The following AUTS2 variants were observed in gnomAD, a reference collection of about 807,000 sequenced individuals.
AUTS2 encodes the protein activator of transcription and developmental regulator AUTS2, also known as autism susceptibility gene 2 protein.
Under a neutral mutation model 112.4 loss-of-function variants are expected in AUTS2, and 17 were observed. That is an observed-to-expected ratio of 0.15 (90% CI 0.10 to 0.23). The LOEUF (loss-of-function observed/expected upper bound fraction) is 0.23. Ranked by LOEUF, AUTS2 falls within the 10% of genes least tolerant of loss-of-function variation. The pLI is 1.00. For synonymous variants in AUTS2, 751 were observed against 702.7 expected (o/e 1.07, Z -1.09); for missense variants, 1,510 against 1,701.6 (o/e 0.89, Z 1.98).
At chr7:70,156,023 C>G (rs867207620) in intron 4 of AUTS2, among the ~76,000 whole-genome samples, 1 of 152,136 alleles carries the variant, frequency 6.6e-6, no homozygotes, top group African/African-American at 2.4e-5. Flanking sequence ...TCTGCTGACA[C>G]GTGGGTAGTG....
intron 4 of AUTS2, among the ~76,000 whole-genome samples, chr7:70,170,278 G>A (rs67847242): frequency 0.22 from 32,767 of 149,578 alleles, 3,551 homozygotes; most frequent in Middle Eastern, 0.33. Flanking sequence ...TCCCACCTCA[G>A]CCTCCCAAGT....
intron 5 of AUTS2, among the ~76,000 whole-genome samples, chr7:70,671,640 TG>T (rs1330103671): frequency 6.6e-6 from 1 of 151,622 alleles, no homozygotes; most frequent in Non-Finnish European, 1.5e-5. Flanking sequence ...CCTATCAGCC[TG>T]GGCATGGCAA....
At chr7:70,240,026 T>C (rs1812528372) in intron 4 of AUTS2, among the ~76,000 whole-genome samples, 1 of 152,168 alleles carries the variant, frequency 6.6e-6, no homozygotes, top group African/African-American at 2.4e-5. Context: ...GAGATGTGAG[T>C]GCAGAATAAG....
At chr7:70,647,815 G>A (rs1407129612) in intron 5 of AUTS2, among the ~76,000 whole-genome samples, 1 of 152,200 alleles carries the variant, frequency 6.6e-6, no homozygotes, top group Non-Finnish European at 1.5e-5. Context: ...GCACATTTTG[G>A]AATGAAACAG....
intron 2 of AUTS2, among the ~76,000 whole-genome samples, chr7:70,049,702 C>T (rs1011132706): frequency 1.4e-4 from 21 of 152,088 alleles, no homozygotes; most frequent in African/African-American, 5.1e-4. Context: ...TTGTCTGGAA[C>T]TTAAAAATAT....
At chr7:69,888,071 G>A (rs1233315048) in intron 1 of AUTS2, among the ~76,000 whole-genome samples, 1 of 152,150 alleles carries the variant, frequency 6.6e-6, no homozygotes, top group African/African-American at 2.4e-5. Flanking sequence ...AACACTTGGG[G>A]AGGCCAAGGC....
chr7:70,602,331 T>C (rs749600026), intron 5 of AUTS2, among the ~76,000 whole-genome samples: 7 of 152,180 alleles, frequency 4.6e-5, no homozygotes, highest in Non-Finnish European at 8.8e-5. Context: ...ATGTCACCGG[T>C]TGGACTGTAG....
chr7:70,364,390 C>T (rs1792459373), intron 4 of AUTS2, among the ~76,000 whole-genome samples: 1 of 151,754 alleles, frequency 6.6e-6, no homozygotes, highest in Non-Finnish European at 1.5e-5. Flanking sequence ...TGGTGAAACC[C>T]AGTCTCTACT....
chr7:70,274,704 C>A (rs12698887), intron 4 of AUTS2, among the ~76,000 whole-genome samples: 1 of 151,892 alleles, frequency 6.6e-6, no homozygotes, highest in South Asian at 2.1e-4. Flanking sequence ...GTTTTATAAT[C>A]GGAATGGTAG....
intron 4 of AUTS2, among the ~76,000 whole-genome samples, chr7:70,419,725 T>G (rs1795136286): frequency 6.6e-6 from 1 of 152,212 alleles, no homozygotes. Flanking sequence ...GAAATTGACA[T>G]TCCTCCAGAA....
At chr7:70,651,018 G>C (rs1212589177) in intron 5 of AUTS2, among the ~76,000 whole-genome samples, 1 of 152,190 alleles carries the variant, frequency 6.6e-6, no homozygotes, top group Non-Finnish European at 1.5e-5. Flanking sequence ...AATGTTGATA[G>C]TAATGATCAA....
intron 6 of AUTS2, among the ~76,000 whole-genome samples, chr7:70,730,264 G>C (rs1477786657): frequency 6.6e-6 from 1 of 151,850 alleles, no homozygotes; most frequent in African/African-American, 2.4e-5. Flanking sequence ...TTTTTAGTTA[G>C]ACTTCACAGA....
At chr7:70,720,042 C>T (rs555010534) in intron 6 of AUTS2, among the ~76,000 whole-genome samples, 4 of 152,290 alleles carry the variant, frequency 2.6e-5, no homozygotes, top group Non-Finnish European at 4.4e-5. Context: ...TCTAGCCTGA[C>T]GTCTCATTCG....
At chr7:69,872,417 A>AT (rs756984183) in intron 1 of AUTS2, among the ~76,000 whole-genome samples, 3 of 152,206 alleles carry the variant, frequency 2.0e-5, no homozygotes, top group Non-Finnish European at 4.4e-5. Flanking sequence ...TGTCCTTAAT[A>AT]TATCAGTGTC....
At chr7:70,448,598 G>C (rs965063104) in intron 5 of AUTS2, among the ~76,000 whole-genome samples, 1 of 152,160 alleles carries the variant, frequency 6.6e-6, no homozygotes, top group Non-Finnish European at 1.5e-5. Context: ...TCCAGTCATG[G>C]AACAGTAATT....
Position 69,666,631 on chromosome 7 carries a change from G to T in AUTS2, c.309+66669G>T, listed in dbSNP as rs201087657. 6.1e-3 allele frequency among the ~76,000 whole-genome samples: 933 copies of T among 152,280 alleles called. 8 individuals are homozygous for T. The highest frequency in any genetic ancestry group is 0.016 in the East Asian group (85 of 5,186). On this transcript the variant is annotated intron_variant, in intron 1 of 18. Coordinates refer to ENST00000342771, the MANE Select transcript of AUTS2 (RefSeq NM_015570.4). ...GTTCCTGTCCTGTAAAGTCTAATGG[G>T]TGGCTCACACCTGTAATCCCAACAC...
chr7:70,212,203 T>G (rs1379988263), intron 4 of AUTS2, among the ~76,000 whole-genome samples: 2 of 152,180 alleles, frequency 1.3e-5, no homozygotes, highest in Admixed American at 1.3e-4. Context: ...GGGAATAAAT[T>G]GATGCCAAAT....
intron 5 of AUTS2, among the ~76,000 whole-genome samples, chr7:70,651,975 G>A (rs986418569): frequency 6.6e-6 from 1 of 152,174 alleles, no homozygotes; most frequent in African/African-American, 2.4e-5. Flanking sequence ...GTTTCTATGT[G>A]TCTGTAAGCA....
chr7:70,636,409 A>G (rs894696004), intron 5 of AUTS2, among the ~76,000 whole-genome samples: 3 of 152,150 alleles, frequency 2.0e-5, no homozygotes, highest in East Asian at 1.9e-4. Flanking sequence ...ATTGACCACT[A>G]TTAAGACAGA....
Sources: allele counts gnomAD v4.1 joint callset (sites outside exome capture counted in the v4.1 genomes callset), GRCh38; gene constraint gnomAD v4.1.1; transcripts MANE v1.5; gene names NCBI Gene and HGNC (gene_info 2026-07-23, HGNC 2026-07-21).